The following ATP8A2 variants were observed in gnomAD, a reference collection of about 807,000 sequenced individuals.
The protein encoded by ATP8A2 is phospholipid-transporting ATPase IB.
Under a neutral mutation model 165.6 loss-of-function variants are expected in ATP8A2, and 100 were observed. The ratio of observed to expected loss-of-function variants is 0.60; its 90% CI spans 0.51 to 0.71. The LOEUF (loss-of-function observed/expected upper bound fraction) is 0.71, where lower values mean the gene tolerates loss of function less well. Ranked by LOEUF, ATP8A2 falls within the 30% of genes least tolerant of loss-of-function variation. The probability of loss-of-function intolerance (pLI) is 0.00; values close to 1 mark genes in which losing one functional copy is unlikely to be tolerated. For missense variants in ATP8A2, 1,227 were observed against 1,479.5 expected (o/e 0.83, Z 2.80); for synonymous variants, 543 against 548.8 (o/e 0.99, Z 0.15).
At chr13:25,409,176 A>G (rs1251986246) in intron 1 of ATP8A2, among the ~76,000 whole-genome samples, 1 of 152,210 alleles carries the variant, frequency 6.6e-6, no homozygotes, top group African/African-American at 2.4e-5. Flanking sequence ...CAGCCCTGGT[A>G]CATGCTGTCT....
intron 1 of ATP8A2, among the ~76,000 whole-genome samples, chr13:25,460,071 G>A (rs1285135704): frequency 6.6e-6 from 1 of 152,060 alleles, no homozygotes; most frequent in African/African-American, 2.4e-5. Context: ...CATGATGGTG[G>A]GTGCCTATAA....
At chr13:25,646,051 C>T (rs1593127740) in intron 24 of ATP8A2, among the ~76,000 whole-genome samples, 1 of 152,064 alleles carries the variant, frequency 6.6e-6, no homozygotes, top group African/African-American at 2.4e-5. Flanking sequence ...TCTATCTCTC[C>T]CTTAAGATTC....
chr13:25,782,633 T>A (rs535992293), intron 27 of ATP8A2, among the ~76,000 whole-genome samples: 2 of 152,366 alleles, frequency 1.3e-5, no homozygotes, highest in African/African-American at 4.8e-5. Flanking sequence ...TTGCATATAA[T>A]CTATGCACAT....
At chr13:25,436,831 A>G (rs57796226) in intron 1 of ATP8A2, among the ~76,000 whole-genome samples, 37,020 of 150,992 alleles carry the variant, frequency 0.25, 4,788 homozygotes, top group East Asian at 0.4. Context: ...GCTGGAGTCC[A>G]GTGGCACAAT....
rs114493686 is a variant in ATP8A2, at chr13:25,984,108, G to A, written c.3377+15429G>A. On this transcript the variant is annotated intron_variant, in intron 35 of 36. Coordinates refer to ENST00000381655, the MANE Select transcript of ATP8A2 (RefSeq NM_016529.6). ...AAAAATTAGCCAGGTGTGGTGGTGC[G>A]TGCATGTGGTCCCAGCTACTTAAGA... 8.7e-3 allele frequency among the ~76,000 whole-genome samples: 1,321 copies of A among 151,012 alleles called. 18 individuals are homozygous for A. The highest frequency in any genetic ancestry group is 0.03 in the African/African-American group (1,238 of 41,092).
At chr13:25,511,050 G>A (rs2037208128) in intron 2 of ATP8A2, among the ~76,000 whole-genome samples, 1 of 152,066 alleles carries the variant, frequency 6.6e-6, no homozygotes, top group South Asian at 2.1e-4. Context: ...TCAAAATTAA[G>A]TTTAGAAATG....
At chr13:25,839,681 T>C in intron 30 of ATP8A2, 57 bp downstream of exon 30, 1 of 1,424,584 alleles carries the variant, frequency 7.0e-7, no homozygotes, top group Non-Finnish European at 9.9e-7. Context: ...CTCTGCTGCC[T>C]GTGTGTTCAC....
chr13:25,853,422 T>TATAGAG (rs1368686149), intron 30 of ATP8A2, among the ~76,000 whole-genome samples: 1 of 135,174 alleles, frequency 7.4e-6, no homozygotes, highest in East Asian at 2.1e-4. Context: ...TATATATATA[T>TATAGAG]AGAATTTCTT....
chr13:25,514,346 C>G (rs1030682160), intron 2 of ATP8A2, among the ~76,000 whole-genome samples: 6 of 152,174 alleles, frequency 3.9e-5, no homozygotes, highest in African/African-American at 1.4e-4. Context: ...CTCAGGTCTC[C>G]CCTTTCTTCT....
chr13:25,591,608 C>T (rs1232409385), intron 24 of ATP8A2, among the ~76,000 whole-genome samples: 3 of 129,862 alleles, frequency 2.3e-5, no homozygotes, highest in South Asian at 2.4e-4. Context: ...TTTTTTGAGA[C>T]GAAGTCTCAC....
At chr13:25,582,026 T>G in intron 23 of ATP8A2, 69 bp downstream of exon 23, 1 of 1,391,562 alleles carries the variant, frequency 7.2e-7, no homozygotes, top group Non-Finnish European at 9.9e-7. Flanking sequence ...CTTTTAAATG[T>G]GTCTAAATGT....
chr13:25,837,310 T>C (rs1951637946), intron 29 of ATP8A2, 25 bp downstream of exon 29: 1 of 1,612,488 alleles, frequency 6.2e-7, no homozygotes, highest in Middle Eastern at 1.7e-4. Flanking sequence ...ATCTCAGAAC[T>C]GTCACCTCAG....
intron 1 of ATP8A2, among the ~76,000 whole-genome samples, chr13:25,401,226 A>G (rs1448509807): frequency 6.6e-6 from 1 of 152,212 alleles, no homozygotes; most frequent in Non-Finnish European, 1.5e-5. Flanking sequence ...AGTGAGGATA[A>G]AAGTGAAAGA....
chr13:25,583,905 T>C (rs910018533), intron 23 of ATP8A2, among the ~76,000 whole-genome samples: 34 of 152,220 alleles, frequency 2.2e-4, no homozygotes, highest in African/African-American at 8.0e-4. Context: ...TCTTAATTGA[T>C]CTTTCTTAGC....
chr13:25,615,598 C>G (rs981128240), intron 24 of ATP8A2, among the ~76,000 whole-genome samples: 4 of 152,186 alleles, frequency 2.6e-5, no homozygotes, highest in African/African-American at 9.6e-5. Context: ...GAAATTATTA[C>G]AAATTCAGCT....
At chr13:25,437,368 A>G (rs1264202903) in intron 1 of ATP8A2, among the ~76,000 whole-genome samples, 1 of 152,196 alleles carries the variant, frequency 6.6e-6, no homozygotes, top group Non-Finnish European at 1.5e-5. Flanking sequence ...TTCAGAATTA[A>G]TCAATTGATG....
intron 10 of ATP8A2, among the ~76,000 whole-genome samples, chr13:25,543,714 C>T (rs1395775793): frequency 6.6e-6 from 1 of 152,154 alleles, no homozygotes; most frequent in Non-Finnish European, 1.5e-5. Flanking sequence ...TCTCTTTCTA[C>T]TTCTCCTCTT....
chr13:25,654,792 G>A (rs149862345), intron 24 of ATP8A2, among the ~76,000 whole-genome samples: 216 of 152,240 alleles, frequency 1.4e-3, no homozygotes, highest in Non-Finnish European at 2.5e-3. Flanking sequence ...TGTGTGTGAC[G>A]CTGTGCAGGT....
At position 25,953,034 on chromosome 13, in the gene ATP8A2, A is replaced by AG. The variant is rs1955413326; in HGVS notation, c.3184-8538dup. 1.3e-5 allele frequency among the ~76,000 whole-genome samples: 2 copies of AG among 152,166 alleles called. No individual in the cohort carries two copies. Among genetic ancestry groups the AG allele is most frequent in the South Asian group, 4.1e-4 (2 of 4,828 alleles). Reference sequence around the variant, plus strand: ...TAGGAGGCAACACTGAGGGGCAAGGAGGGCTGAGAAGAGAAGGTGGCAATG... The same window carrying AG: ...TAGGAGGCAACACTGAGGGGCAAGGAGGGGCTGAGAAGAGAAGGTGGCAATG... On this transcript the variant is annotated intron_variant, in intron 33 of 36. Coordinates refer to ENST00000381655, the MANE Select transcript of ATP8A2 (RefSeq NM_016529.6). This position sits in a 1 kb window ranked among gnomAD's most constrained non-coding sequence, Gnocchi z 6.7.
Sources: allele counts gnomAD v4.1 joint callset (sites outside exome capture counted in the v4.1 genomes callset), GRCh38; gene constraint gnomAD v4.1.1; non-coding constraint Gnocchi (gnomAD v3.1); transcripts MANE v1.5; gene names NCBI Gene and HGNC (gene_info 2026-07-23, HGNC 2026-07-21).